The following CYP2R1 variants were observed in gnomAD, a reference collection of about 807,000 sequenced individuals.
The protein encoded by CYP2R1 is cytochrome P450 family 2 subfamily R member 1.
A neutral mutation model predicts 45.7 loss-of-function variants in CYP2R1; 40 were observed. That is an observed-to-expected ratio of 0.87 (90% CI 0.68 to 1.14). The LOEUF is 1.14. Among genes scored for constraint, CYP2R1 ranks in the 50% most tolerant of loss-of-function variants. The probability of loss-of-function intolerance (pLI) is 0.00; values close to 1 mark genes in which losing one functional copy is unlikely to be tolerated. For missense variants in CYP2R1, 605 were observed against 602.6 expected (o/e 1.00, Z -0.04); for synonymous variants, 234 against 219.3 (o/e 1.07, Z -0.59).
intron 2 of CYP2R1, among the ~76,000 whole-genome samples, 195 bp downstream of exon 2, chr11:14,885,581 A>T (rs1206818049): frequency 6.6e-6 from 1 of 152,172 alleles, no homozygotes; most frequent in African/African-American, 2.4e-5. Context: ...CTGGACCACA[A>T]TAGAATTAGC....
intron 1 of CYP2R1, chr11:14,891,700 C>A: frequency 8.2e-7 from 1 of 1,220,312 alleles, no homozygotes; most frequent in Admixed American, 4.3e-5. Context: ...GGCGCAGGAG[C>A]AAGAGCTCGA....
intron 1 of CYP2R1, chr11:14,891,776 G>A (rs1848867253): frequency 7.2e-7 from 1 of 1,394,324 alleles, no homozygotes; most frequent in African/African-American, 1.5e-5. Context: ...CACCGGCAGG[G>A]GCGGGGCTCC....
intron 1 of CYP2R1, chr11:14,890,862 T>C: frequency 2.0e-6 from 2 of 985,338 alleles, no homozygotes; most frequent in South Asian, 9.4e-5. Flanking sequence ...AGACCAATCC[T>C]TGTAAAAATT....
intron 1 of CYP2R1, chr11:14,891,652 C>T: frequency 8.7e-7 from 1 of 1,155,644 alleles, no homozygotes; most frequent in South Asian, 2.2e-5. Flanking sequence ...CCACCCTGGA[C>T]CTGAAGTGGC....
At position 14,878,146 on chromosome 11, in the gene CYP2R1, G is replaced by A. The variant is rs782494351; in HGVS notation, c.1482C>T (p.Tyr494=). The A allele has an allele frequency of 1.7e-5, 27 of 1,613,078 alleles. No homozygotes were observed. The Admixed American group carries it at 4.2e-4, about 25-fold the overall frequency. Residue 494 remains tyrosine, a synonymous_variant, in exon 5 of 5, where the codon TAC becomes TAT. Coordinates refer to ENST00000334636, the MANE Select transcript of CYP2R1 (RefSeq NM_024514.5). The stretch of plus-strand genomic sequence containing the variant: ...TTCAGCGTCTTTCAGCACAGATGAG[G>A]TAGGGTTGGGGCTGCAATGTCATGC... ...RLGMTLQPQP[Y]LICAERR
In CYP2R1 at chr11:14,878,029, A is replaced by T. The variant is rs957096811; in HGVS notation, c.*93T>A. Reference sequence around the variant, plus strand: ...GTTCATTTGGCTTTTTGATGCTGTGACTTTTATTCTAATACACACATTGAT... The same window carrying T: ...GTTCATTTGGCTTTTTGATGCTGTGTCTTTTATTCTAATACACACATTGAT... On this transcript the variant is annotated 3_prime_UTR_variant, in exon 5 of 5. Transcript: ENST00000334636. 69 of 1,369,972 alleles carry T rather than the reference A, an allele frequency of 5.0e-5. 2 individuals carry two copies. In the South Asian group the frequency reaches 8.3e-4, roughly 16 times the overall value. 84.9% of individuals were successfully genotyped at this position (1,369,972 alleles called of 1,614,324 possible).
chr11:14,881,539 A>T (rs1334297009), intron 2 of CYP2R1, among the ~76,000 whole-genome samples: 1 of 152,104 alleles, frequency 6.6e-6, no homozygotes, highest in African/African-American at 2.4e-5. Flanking sequence ...TTTCACATTG[A>T]TAAGTGATTC....
chr11:14,891,635 C>A (rs929868078), intron 1 of CYP2R1: 12 of 1,106,196 alleles, frequency 1.1e-5, no homozygotes, highest in East Asian at 1.4e-4. Flanking sequence ...CACCTGAGGG[C>A]ATGCGTCCAC....
intron 3 of CYP2R1, 33 bp downstream of exon 3, chr11:14,880,103 G>T (rs782311800): frequency 6.2e-7 from 1 of 1,610,214 alleles, no homozygotes; most frequent in East Asian, 2.2e-5. Context: ...TACATGTAAG[G>T]ATAGACCCTG....
chr11:14,879,051 C>A, intron 4 of CYP2R1, 63 bp downstream of exon 4: 1 of 1,289,142 alleles, frequency 7.8e-7, no homozygotes, highest in South Asian at 1.2e-5. Flanking sequence ...GATTAAGATG[C>A]TGTATCTAAT....
rs558701830 is a variant in CYP2R1 at position 14,880,148 on chromosome 11, G to C, written c.988C>G (p.Pro330Ala). The part of the protein sequence containing the change: ...RWAILFMALY[P>A]NIQGQVQKEI... ...AGAGAATCCTCACCTTGAATATTAG[G>C]ATAAAGGGCCATGAAAAGAATCGCC... Residue 330 changes from proline (P) to alanine (A), a missense_variant, in exon 3 of 5, where the codon CCT becomes GCT. Coordinates refer to ENST00000334636, the MANE Select transcript of CYP2R1 (RefSeq NM_024514.5). 3.1e-6 allele frequency: 5 copies of C among 1,612,666 alleles called. No homozygotes were observed. The highest frequency in any genetic ancestry group is 3.3e-5 in the Admixed American group (2 of 59,808).
intron 1 of CYP2R1, chr11:14,891,743 C>T (rs1848866422): frequency 7.4e-7 from 1 of 1,348,872 alleles, no homozygotes; most frequent in Non-Finnish European, 9.5e-7. Context: ...TGGATCGCCT[C>T]GGAGCCTCGG....
chr11:14,879,588 C>A, intron 3 of CYP2R1, 145 bp from the exon 4 acceptor site: 1 of 625,816 alleles, frequency 1.6e-6, no homozygotes. Flanking sequence ...ATTATCTGGG[C>A]GTTCTATTGA....
chr11:14,879,206 T>C lies in CYP2R1; in HGVS notation c.1238A>G (p.Tyr413Cys). ...ATGGAACACTTCTGGGTCTCTCCAG[T>C]ACTTTTCATCAAAGTGTACAGAATA... The part of the protein sequence containing the change: ...NLYSVHFDEK[Y>C]WRDPEVFHPE... Residue 413 changes from tyrosine (Y) to cysteine (C), a missense_variant, in exon 4 of 5, where the codon TAC becomes TGC. Physicochemically the swap from Tyr to Cys is radical, Grantham distance 194 (BLOSUM62 -2). Transcript: ENST00000334636. 1 of 1,613,302 alleles carries C rather than the reference T, an allele frequency of 6.2e-7. No individual in the cohort carries two copies. Among genetic ancestry groups the C allele is most frequent in the African/African-American group, 1.3e-5 (1 of 75,012 alleles).
Position 14,892,079 on chromosome 11 carries a change from G to A in CYP2R1, c.127C>T (p.Pro43Ser), listed in dbSNP as rs1848880800. The A allele has an allele frequency of 6.2e-7, 1 of 1,611,634 alleles. No homozygotes were observed. The part of the protein sequence containing the change: ...QRRPMGFPPG[P>S]PGLPFIGNIY... ...TTGCCGATAAATGGCAGCCCCGGCG[G>A]CCCCGGGGGGAAGCCCATCGGCCGC... The change falls in exon 1 of 5, where the codon CCG becomes TCG. Residue 43 changes from proline to serine, a missense_variant. Pro to Ser is a moderately conservative substitution (Grantham distance 74, BLOSUM62 -1). Coordinates refer to ENST00000334636, the MANE Select transcript of CYP2R1 (RefSeq NM_024514.5).
chr11:14,881,755 T>C (rs1037102879), intron 2 of CYP2R1, among the ~76,000 whole-genome samples: 3 of 152,118 alleles, frequency 2.0e-5, no homozygotes, highest in Non-Finnish European at 4.4e-5. Flanking sequence ...CTCAATGCCT[T>C]CTGCCATGAT....
chr11:14,883,132 C>A (rs1325376932), intron 2 of CYP2R1, among the ~76,000 whole-genome samples: 1 of 152,044 alleles, frequency 6.6e-6, no homozygotes, highest in African/African-American at 2.4e-5. Flanking sequence ...AGATTCAATG[C>A]CATCCCCATC....
upstream of CYP2R1, among the ~76,000 whole-genome samples, chr11:14,892,414 T>C (rs1183776858): frequency 6.6e-6 from 1 of 152,196 alleles, no homozygotes; most frequent in Non-Finnish European, 1.5e-5. Flanking sequence ...GGGTGGCCGG[T>C]GCTACCCTTT....
intron 3 of CYP2R1, 151 bp from the exon 4 acceptor site, chr11:14,879,594 A>G (rs1284225248): frequency 8.0e-6 from 5 of 626,448 alleles, no homozygotes; most frequent in South Asian, 7.8e-5. Flanking sequence ...TGGGCGTTCT[A>G]TTGAAATATA....
Sources: gnomAD v4.1 joint callset for allele counts (sites outside exome capture counted in the v4.1 genomes callset) on GRCh38, gnomAD v4.1.1 for gene constraint, MANE v1.5 for transcripts, NCBI Gene and HGNC (gene_info 2026-07-23, HGNC 2026-07-21) for gene names.